The following PRKG1 variants were observed in gnomAD, a reference collection of about 807,000 sequenced individuals.
PRKG1 encodes cGMP-dependent protein kinase 1.
PRKG1 carries 35 observed loss-of-function variants against 88.1 expected under a neutral mutation model. That is an observed-to-expected ratio of 0.40 (90% CI 0.30 to 0.53). The LOEUF (loss-of-function observed/expected upper bound fraction) is 0.53. Ranked by LOEUF, PRKG1 falls within the 20% of genes least tolerant of loss-of-function variation. The pLI, the probability that PRKG1 is intolerant of heterozygous loss-of-function variation, is 0.59. For missense variants in PRKG1, 540 were observed against 839.8 expected (o/e 0.64, Z 4.41); for synonymous variants, 303 against 292.5 (o/e 1.04, Z -0.37).
At chr10:51,546,965 C>G (rs1456299867) in intron 3 of PRKG1, among the ~76,000 whole-genome samples, 2 of 152,170 alleles carry the variant, frequency 1.3e-5, no homozygotes, top group South Asian at 2.1e-4. Flanking sequence ...TATTAAAACC[C>G]AAACTGAGCA....
chr10:52,198,616 C>T (rs1839573526), intron 9 of PRKG1, among the ~76,000 whole-genome samples: 1 of 152,082 alleles, frequency 6.6e-6, no homozygotes, highest in Admixed American at 6.6e-5. Context: ...TTTATTCTCT[C>T]ACACGTCTGG....
At chr10:52,048,225 A>G (rs1845908591) in intron 5 of PRKG1, among the ~76,000 whole-genome samples, 1 of 152,140 alleles carries the variant, frequency 6.6e-6, no homozygotes. Context: ...AGAGGAAATA[A>G]TGATGTCATA....
At chr10:51,967,130 A>G (rs984319207) in intron 5 of PRKG1, among the ~76,000 whole-genome samples, 3 of 152,192 alleles carry the variant, frequency 2.0e-5, no homozygotes, top group Non-Finnish European at 2.9e-5. Context: ...TTGCAGCACT[A>G]TTCACAATAG....
At chr10:51,629,388 A>G (rs1839466705) in intron 3 of PRKG1, among the ~76,000 whole-genome samples, 1 of 151,956 alleles carries the variant, frequency 6.6e-6, no homozygotes, top group African/African-American at 2.4e-5. Context: ...CAATAGTTAT[A>G]CAACTCACCA....
intron 7 of PRKG1, among the ~76,000 whole-genome samples, chr10:52,070,290 G>A (rs1846464064): frequency 6.8e-6 from 1 of 146,916 alleles, no homozygotes; most frequent in Admixed American, 6.9e-5. Context: ...AGTGAATTTT[G>A]GGTTAGGTGT....
chr10:52,048,297 G>GA (rs1845909649), intron 5 of PRKG1, among the ~76,000 whole-genome samples: 2 of 151,754 alleles, frequency 1.3e-5, no homozygotes, highest in African/African-American at 4.8e-5. Context: ...AAATATAGAG[G>GA]AAAAAATGAT....
chr10:51,818,161 C>T (rs1177007295), intron 4 of PRKG1, among the ~76,000 whole-genome samples: 4 of 152,094 alleles, frequency 2.6e-5, no homozygotes, highest in South Asian at 2.1e-4. Flanking sequence ...TATAGAAACA[C>T]ATCAAAATTA....
intron 7 of PRKG1, among the ~76,000 whole-genome samples, chr10:52,092,184 A>T (rs950280372): frequency 2.0e-5 from 3 of 152,136 alleles, no homozygotes; most frequent in African/African-American, 7.2e-5. Flanking sequence ...GTTAGGGAGG[A>T]TGACTCATAA....
intron 3 of PRKG1, among the ~76,000 whole-genome samples, chr10:51,783,477 T>C (rs1838647979): frequency 6.6e-6 from 1 of 152,008 alleles, no homozygotes; most frequent in Non-Finnish European, 1.5e-5. Flanking sequence ...TGGGGTTTCA[T>C]CACCATGTTG....
chr10:52,216,260 A>C (rs1030288249), intron 9 of PRKG1, among the ~76,000 whole-genome samples: 1 of 152,180 alleles, frequency 6.6e-6, no homozygotes, highest in Non-Finnish European at 1.5e-5. Context: ...CATTTCAATC[A>C]AAAAAATTAT....
intron 2 of PRKG1, among the ~76,000 whole-genome samples, chr10:51,349,435 T>C (rs535245646): frequency 6.6e-6 from 1 of 151,880 alleles, no homozygotes; most frequent in African/African-American, 2.4e-5. Flanking sequence ...AAAAATTGTT[T>C]ACTTTGAGTT....
chr10:51,086,804 C>T (rs557727821), intron 1 of PRKG1, among the ~76,000 whole-genome samples: 20 of 152,230 alleles, frequency 1.3e-4, no homozygotes, highest in African/African-American at 4.1e-4. Context: ...ATCTGAGGTT[C>T]GTCTTATCTT....
intron 3 of PRKG1, among the ~76,000 whole-genome samples, chr10:51,468,642 G>GA: frequency 6.6e-6 from 1 of 151,868 alleles, no homozygotes; most frequent in South Asian, 2.1e-4. Flanking sequence ...TTTCATGTTT[G>GA]AAAAGTCCTT....
Position 50,991,369 on chromosome 10 carries a change from CAG to C in PRKG1, c.-9_-8del. 1 of 1,517,510 alleles carries C rather than the reference CAG, an allele frequency of 6.6e-7. No individual in the cohort carries two copies. The highest frequency in any genetic ancestry group is 1.2e-5 in the South Asian group (1 of 80,796). 94.0% of individuals were successfully genotyped at this position (1,517,510 alleles called of 1,614,324 possible). A position where few individuals can be genotyped will look rare whatever the true frequency, so the allele number is the denominator to read the frequency against. On this transcript the variant is annotated 5_prime_UTR_variant, in exon 1 of 18. Coordinates refer to the PRKG1 transcript ENST00000401604. The surrounding 1 kb of genome is among the most constrained non-coding windows in gnomAD (Gnocchi z 4.5). ...CGAGAAAAAGTTTCGCGGAGGGGCT[CAG>C]TGAAAAAATGAGCGAGCTAGAGGAA...
intron 3 of PRKG1, among the ~76,000 whole-genome samples, chr10:51,659,659 G>A (rs1203799904): frequency 3.3e-5 from 5 of 152,058 alleles, no homozygotes; most frequent in Admixed American, 1.3e-4. Context: ...TAGTCAACAA[G>A]GCAGATTCAG....
chr10:52,026,056 A>C (rs951770201), intron 5 of PRKG1, among the ~76,000 whole-genome samples: 9 of 151,970 alleles, frequency 5.9e-5, no homozygotes, highest in African/African-American at 2.2e-4. Flanking sequence ...TGACAAAAAC[A>C]AGCAATGGGG....
At chr10:51,360,071 A>G (rs1385118204) in intron 2 of PRKG1, among the ~76,000 whole-genome samples, 1 of 151,938 alleles carries the variant, frequency 6.6e-6, no homozygotes, top group Non-Finnish European at 1.5e-5. Context: ...GTTGAGAATT[A>G]TGGTAGTTTT....
intron 7 of PRKG1, among the ~76,000 whole-genome samples, chr10:52,123,657 G>T (rs936606634): frequency 6.6e-6 from 1 of 152,134 alleles, no homozygotes; most frequent in Admixed American, 6.6e-5. Context: ...AATGGCTGTA[G>T]CAATAACATT....
At chr10:51,615,185 C>T (rs1204006437) in intron 3 of PRKG1, among the ~76,000 whole-genome samples, 2 of 151,948 alleles carry the variant, frequency 1.3e-5, no homozygotes, top group African/African-American at 4.8e-5. Context: ...AAGGTTTCTG[C>T]TAATAAATCT....
Sources: gnomAD v4.1 joint callset for allele counts (sites outside exome capture counted in the v4.1 genomes callset) on GRCh38, gnomAD v4.1.1 for gene constraint, Gnocchi (gnomAD v3.1) non-coding constraint, MANE v1.5 for transcripts, NCBI Gene and HGNC (gene_info 2026-07-23, HGNC 2026-07-21) for gene names.